Variants in ARID1B observed in about 807,000 individuals in gnomAD.
The protein encoded by ARID1B is AT-rich interaction domain 1B.
A neutral mutation model predicts 212.3 loss-of-function variants in ARID1B; 30 were observed. The ratio of observed to expected loss-of-function variants is 0.14; its 90% CI spans 0.11 to 0.19. ARID1B has a LOEUF of 0.19. Ranked by LOEUF, ARID1B falls within the 10% of genes least tolerant of loss-of-function variation. The pLI, the probability that ARID1B is intolerant of heterozygous loss-of-function variation, is 1.00. For synonymous variants in ARID1B, 1,402 were observed against 1,301.7 expected (o/e 1.08, Z -1.66); for missense variants, 2,891 against 3,204.0 (o/e 0.90, Z 2.36).
chr6:156,968,078 G>A (rs971492904), intron 4 of ARID1B, among the ~76,000 whole-genome samples: 1 of 152,206 alleles, frequency 6.6e-6, no homozygotes, highest in Non-Finnish European at 1.5e-5. Context: ...CCTGCAGGGA[G>A]CTGTCTCCCC....
At chr6:157,068,288 G>A (rs1250724613) in intron 4 of ARID1B, among the ~76,000 whole-genome samples, 1 of 152,068 alleles carries the variant, frequency 6.6e-6, no homozygotes, top group Admixed American at 6.5e-5. Flanking sequence ...ATTAGAGGTG[G>A]GCCTCCTGCA....
chr6:157,044,352 G>A (rs1260877426), intron 4 of ARID1B, among the ~76,000 whole-genome samples: 1 of 152,188 alleles, frequency 6.6e-6, no homozygotes, highest in Non-Finnish European at 1.5e-5. Flanking sequence ...AATTTGAGCT[G>A]CTTTCTGTCT....
chr6:157,079,721 G>A (rs1293795971), intron 4 of ARID1B, among the ~76,000 whole-genome samples: 1 of 152,130 alleles, frequency 6.6e-6, no homozygotes, highest in Non-Finnish European at 1.5e-5. Context: ...AGTGTTTGCA[G>A]CTGTATTTTT....
rs1229105280 is a variant in ARID1B, at chr6:157,196,294, A to G, written c.4361A>G (p.Tyr1454Cys). The change falls in exon 16 of 20, where the codon TAT becomes TGT. Residue 1454 changes from tyrosine (Y) to cysteine (C), a missense_variant. Transcript: ENST00000636930. ...LGMGQRQQFP[Y>C]GASYDRRHEP... ...ATGGGGCAGCGCCAGCAGTTTCCCT[A>G]TGGAGCCAGTTACGACCGAAGGTGA... The G allele has an allele frequency of 6.3e-7, 1 of 1,598,104 alleles. No homozygotes were observed. The highest frequency in any genetic ancestry group is 2.2e-5 in the East Asian group (1 of 44,792).
chr6:157,209,256 T>C lies in ARID1B; in HGVS notation c.*1365T>C, dbSNP rs1332612589. 8.6e-6 allele frequency: 2 copies of C among 232,156 alleles called. No homozygotes were observed. The highest frequency in any genetic ancestry group is 1.7e-5 in the Non-Finnish European group (2 of 117,234). 14.4% of individuals were successfully genotyped at this position (232,156 alleles called of 1,614,324 possible). ...AAGAATAAATGTACATTAAATCTTG[T>C]TAAGCACTGTGATGGGTGTTCTTGA... On this transcript the variant is annotated 3_prime_UTR_variant, in exon 20 of 20. Coordinates refer to ENST00000636930, the MANE Select transcript of ARID1B (RefSeq NM_001374828.1).
At chr6:156,850,546 A>G (rs554913343) in intron 2 of ARID1B, among the ~76,000 whole-genome samples, 14 of 152,364 alleles carry the variant, frequency 9.2e-5, no homozygotes, top group South Asian at 4.1e-4. Flanking sequence ...CACCCCTTGC[A>G]CTGAACGCAT....
intron 3 of ARID1B, among the ~76,000 whole-genome samples, chr6:156,902,431 A>C (rs1419722833): frequency 6.6e-6 from 1 of 152,196 alleles, no homozygotes. Flanking sequence ...TGTGGCTTGA[A>C]TAGATCGTGG....
chr6:157,160,840 C>A (rs147380702), intron 8 of ARID1B, among the ~76,000 whole-genome samples: 188 of 152,298 alleles, frequency 1.2e-3, no homozygotes, highest in African/African-American at 4.1e-3. Context: ...TGGATTGATC[C>A]CTCAGATCTG....
chr6:156,849,000 C>T (rs181464528), intron 2 of ARID1B, among the ~76,000 whole-genome samples: 18 of 152,354 alleles, frequency 1.2e-4, no homozygotes, highest in African/African-American at 3.6e-4. Context: ...AGAAACTTCA[C>T]CGCCTGGGTC....
chr6:156,991,196 A>T (rs1417719722), intron 4 of ARID1B, among the ~76,000 whole-genome samples: 3 of 152,086 alleles, frequency 2.0e-5, no homozygotes, highest in Non-Finnish European at 2.9e-5. Context: ...TGTGATACTC[A>T]TTGGGAAATG....
At chr6:157,130,260 A>G (rs1360545891) in intron 6 of ARID1B, among the ~76,000 whole-genome samples, 3 of 152,194 alleles carry the variant, frequency 2.0e-5, no homozygotes, top group African/African-American at 7.2e-5. Flanking sequence ...AATGCTAATT[A>G]AAGGGCCTGT....
In ARID1B at chr6:157,124,406, C is replaced by T. The variant is rs145297228; in HGVS notation, c.2582-8622C>T. Among the ~76,000 whole-genome samples, 3 of 152,316 alleles carry T rather than the reference C, an allele frequency of 2.0e-5. No individual in the cohort carries two copies. In the East Asian group the frequency reaches 5.8e-4, roughly 29 times the overall value. On this transcript the variant is annotated intron_variant, in intron 6 of 19. Coordinates refer to ENST00000636930, the MANE Select transcript of ARID1B (RefSeq NM_001374828.1). ...AATAGCAGTATGCTAACTGCACGGC[C>T]ACAGCTAACATACGTGGTGCTTTTC...
In ARID1B at chr6:156,935,500, A is replaced by T; in HGVS notation, c.2171A>T (p.Gln724Leu). Residue 724 changes from glutamine to leucine, a missense_variant, in exon 4 of 20, where the codon CAA becomes CTA. By Grantham distance (113) the Gln-to-Leu change is moderately radical. Around this residue, in one of 7 missense-constraint regions of ARID1B, gnomAD observed 1,643 missense variants for 1,544.0 expected, o/e 1.06. Coordinates refer to ENST00000636930, the MANE Select transcript of ARID1B (RefSeq NM_001374828.1). ...MSQEGYGTRS[Q>L]PPLAPGKPNH... ...CAGGAAGGCTATGGAACTAGATCTC[A>T]ACCTCCTCTGGCCCCCGGAAAACCT... 1 of 1,614,030 alleles carries T rather than the reference A, an allele frequency of 6.2e-7. No individual in the cohort carries two copies. The highest frequency in any genetic ancestry group is 8.5e-7 in the Non-Finnish European group (1 of 1,179,904).
chr6:157,007,985 C>G (rs1338294628), intron 4 of ARID1B, among the ~76,000 whole-genome samples: 3 of 152,154 alleles, frequency 2.0e-5, no homozygotes, highest in Non-Finnish European at 2.9e-5. Flanking sequence ...CTAGGAAGCC[C>G]TAAGTTTTAA....
intron 4 of ARID1B, among the ~76,000 whole-genome samples, chr6:157,006,952 TA>T (rs1779281316): frequency 6.6e-6 from 1 of 151,602 alleles, no homozygotes; most frequent in African/African-American, 2.4e-5. Context: ...CACATGTGTG[TA>T]CACACACACA....
chr6:157,074,477 G>A (rs1292228164), intron 4 of ARID1B, among the ~76,000 whole-genome samples: 2 of 152,092 alleles, frequency 1.3e-5, no homozygotes, highest in South Asian at 2.1e-4. Context: ...CGCCCACCTC[G>A]GCCTCCCAAA....
chr6:157,072,741 CAT>C (rs1562594812), intron 4 of ARID1B, among the ~76,000 whole-genome samples: 1 of 152,160 alleles, frequency 6.6e-6, no homozygotes, highest in Non-Finnish European at 1.5e-5. Flanking sequence ...TAATCACTAA[CAT>C]ATATTAAGTG....
chr6:157,004,982 G>A (rs1240289323), intron 4 of ARID1B, among the ~76,000 whole-genome samples: 1 of 120,004 alleles, frequency 8.3e-6, no homozygotes, highest in South Asian at 2.8e-4. Context: ...GCGTAATCCC[G>A]ACTCACTGCA....
intron 4 of ARID1B, among the ~76,000 whole-genome samples, chr6:156,999,632 G>A (rs976226385): frequency 6.6e-6 from 1 of 152,124 alleles, no homozygotes. Context: ...AAGCGTGTGT[G>A]TTTGTGTTGT....
Sources: gnomAD v4.1 joint callset for allele counts (sites outside exome capture counted in the v4.1 genomes callset) on GRCh38, gnomAD v4.1.1 for gene constraint, gnomAD v4.1.1 regional missense constraint, MANE v1.5 for transcripts, NCBI Gene and HGNC (gene_info 2026-07-23, HGNC 2026-07-21) for gene names.